EXT2: variants seen among roughly 807,000 people sequenced by gnomAD.
EXT2 encodes exostosin-2.
EXT2 carries 53 observed loss-of-function variants against 81.6 expected under a neutral mutation model. The ratio of observed to expected loss-of-function variants is 0.65; its 90% confidence interval spans 0.52 to 0.82. The LOEUF (loss-of-function observed/expected upper bound fraction) is 0.82, where lower values mean the gene tolerates loss of function less well. Among genes scored for constraint, EXT2 ranks in the 40% least tolerant of loss-of-function variants. The pLI is 0.00. For missense variants in EXT2, 774 were observed against 910.2 expected, an observed-to-expected ratio of 0.85 and a Z score of 1.93; for synonymous variants, 320 against 340.0, an observed-to-expected ratio of 0.94 and a Z score of 0.65.
chr11:44,244,300 G>A lies in EXT2; in HGVS notation c.*13G>A, dbSNP rs754477934. 1.3e-5 allele frequency: 21 copies of A among 1,613,852 alleles called. No individual in the cohort carries two copies. Among genetic ancestry groups the A allele is most frequent in the Admixed American group, 3.3e-5 (2 of 60,008 alleles). ...TGGCAGCTTATGAAACGTGTCATTG[G>A]TGGAGGTCTGAATGTGAGGCTGGGA... On this transcript the variant is annotated 3_prime_UTR_variant, in exon 14 of 14. Transcript: ENST00000533608.
chr11:44,119,120 CTATTTATATATATATATA>C (rs1448109874), intron 4 of EXT2, among the ~76,000 whole-genome samples: 1 of 28,802 alleles, frequency 3.5e-5, no homozygotes, highest in Non-Finnish European at 7.6e-5. Flanking sequence ...GGACATTTGG[CTATTTATATATATATATA>C]TATATATATA....
chr11:44,179,893 T>G (rs1478210674), intron 8 of EXT2, among the ~76,000 whole-genome samples: 1 of 152,204 alleles, frequency 6.6e-6, no homozygotes, highest in Non-Finnish European at 1.5e-5. Flanking sequence ...ATTGATTAAT[T>G]TTTTATGTGT....
At chr11:44,096,172 G>C (rs1185333557) in intron 1 of EXT2, 6 of 1,237,836 alleles carry the variant, frequency 4.8e-6, no homozygotes, top group East Asian at 2.5e-5. Flanking sequence ...CCTGCGACCC[G>C]CCCTCCGCCC....
chr11:44,249,242 C>T lies in EXT2; in HGVS notation c.*4955C>T, dbSNP rs1376219827. On this transcript the variant is annotated 3_prime_UTR_variant, in exon 14 of 14. Transcript: ENST00000533608. Reference sequence around the variant, plus strand: ...CTAACTCCTGGGATCAAGTGATCCTCCTGCCTCAGCGTCCCAAAGTGTTGG... The same window carrying T: ...CTAACTCCTGGGATCAAGTGATCCTTCTGCCTCAGCGTCCCAAAGTGTTGG... Among the ~76,000 whole-genome samples the T allele has an allele frequency of 6.6e-6, 1 of 152,190 alleles. No individual in the cohort carries two copies. The highest frequency in any genetic ancestry group is 1.5e-5 in the Non-Finnish European group (1 of 68,034).
intron 7 of EXT2, among the ~76,000 whole-genome samples, chr11:44,146,676 G>T (rs773202501): frequency 6.6e-6 from 1 of 152,130 alleles, no homozygotes; most frequent in Non-Finnish European, 1.5e-5. Context: ...ATCACCACAG[G>T]GTAAGTTAGA....
At chr11:44,229,901 A>G (rs1409062608) in intron 10 of EXT2, among the ~76,000 whole-genome samples, 5 of 152,222 alleles carry the variant, frequency 3.3e-5, no homozygotes, top group Admixed American at 3.3e-4. Flanking sequence ...CATACCAGGC[A>G]CTGTTCTTTG....
intron 7 of EXT2, among the ~76,000 whole-genome samples, chr11:44,164,922 A>G (rs1026261820): frequency 5.2e-5 from 7 of 134,278 alleles, no homozygotes; most frequent in Non-Finnish European, 9.2e-5. Context: ...TCTGTCGCCC[A>G]GGCTGGAGTG....
At position 44,232,357 on chromosome 11, in the gene EXT2, G is replaced by C; in HGVS notation, c.1667G>C (p.Trp556Ser). Residue 556 changes from tryptophan (W) to serine (S), a missense_variant, in exon 11 of 14, where the codon TGG (tryptophan) becomes TCG (serine). Physicochemically the swap from Trp to Ser is radical, Grantham distance 177. Around this residue, in one of 2 missense-constraint regions of EXT2, gnomAD observed 148 missense variants for 239.7 expected, o/e 0.62. Transcript: ENST00000533608. ...TTATTATGTGTCTGTCCTTAGGTCT[G>C]GCGGGAATTTCCTGACCGGTTGGTG... ...SDELQFGYEVWREFPDRLVGY... is the reference protein window; with the variant it reads ...SDELQFGYEVSREFPDRLVGY... The C allele has an allele frequency of 6.2e-7, 1 of 1,613,932 alleles. No homozygotes were observed. The highest frequency in any genetic ancestry group is 8.5e-7 in the Non-Finnish European group (1 of 1,179,920).
chr11:44,139,753 G>A (rs1411995634), intron 7 of EXT2, among the ~76,000 whole-genome samples: 1 of 152,178 alleles, frequency 6.6e-6, no homozygotes, highest in Non-Finnish European at 1.5e-5. Context: ...AGTGTGAGCG[G>A]CTGGTTTCCG....
intron 7 of EXT2, among the ~76,000 whole-genome samples, chr11:44,131,549 A>G (rs2135033217): frequency 6.6e-6 from 1 of 152,304 alleles, no homozygotes; most frequent in Middle Eastern, 3.4e-3. Context: ...CAGTTTATTT[A>G]TAGCATCCTC....
chr11:44,177,139 G>C (rs900265872), intron 8 of EXT2, among the ~76,000 whole-genome samples: 3 of 152,148 alleles, frequency 2.0e-5, no homozygotes, highest in African/African-American at 7.2e-5. Context: ...AAACTGGAGA[G>C]ATTGACCTTT....
chr11:44,244,776 A>C lies in EXT2; in HGVS notation c.*489A>C. ...CCAGAATTCGGTGCAAAAGCCAAAC[A>C]TCTTGGTGGGATTTGATAAATGCCT... On this transcript the variant is annotated 3_prime_UTR_variant, in exon 14 of 14. Coordinates refer to ENST00000533608, the MANE Select transcript of EXT2 (RefSeq NM_207122.2). 3.9e-6 allele frequency: 1 copy of C among 255,508 alleles called. No individual in the cohort carries two copies. The highest frequency in any genetic ancestry group is 4.8e-5 in the Admixed American group (1 of 20,768). 15.8% of individuals were successfully genotyped at this position (255,508 alleles called of 1,614,324 possible). A position where few individuals can be genotyped will look rare whatever the true frequency, so the allele number is the denominator to read the frequency against.
At chr11:44,215,212 A>G (rs767318882) in intron 10 of EXT2, among the ~76,000 whole-genome samples, 13 of 151,992 alleles carry the variant, frequency 8.6e-5, no homozygotes, top group Non-Finnish European at 1.9e-4. Context: ...ATTGATTTCA[A>G]TATTTGTTTT....
chr11:44,228,141 A>G (rs1306339886), intron 10 of EXT2, among the ~76,000 whole-genome samples: 1 of 152,194 alleles, frequency 6.6e-6, no homozygotes, highest in African/African-American at 2.4e-5. Flanking sequence ...TATAACAGAG[A>G]TAGGCTTCTG....
At chr11:44,125,461 T>C (rs1026098516) in intron 5 of EXT2, among the ~76,000 whole-genome samples, 4 of 152,154 alleles carry the variant, frequency 2.6e-5, no homozygotes, top group African/African-American at 9.7e-5. Context: ...TTGCCACCTT[T>C]AGCATCTCCT....
intron 10 of EXT2, among the ~76,000 whole-genome samples, chr11:44,230,096 G>A (rs1346757623): frequency 2.0e-5 from 3 of 152,228 alleles, no homozygotes; most frequent in Non-Finnish European, 2.9e-5. Context: ...GTTTGCTTCA[G>A]CAAGGAAGGT....
At chr11:44,115,334 C>T (rs1179590051) in intron 4 of EXT2, among the ~76,000 whole-genome samples, 6 of 152,214 alleles carry the variant, frequency 3.9e-5, no homozygotes, top group Non-Finnish European at 2.9e-5. Flanking sequence ...GAACTGTAGG[C>T]CCATGCCACT....
intron 10 of EXT2, among the ~76,000 whole-genome samples, chr11:44,222,063 G>C (rs538663312): frequency 6.6e-6 from 1 of 152,250 alleles, no homozygotes; most frequent in African/African-American, 2.4e-5. Flanking sequence ...ATGAAAATTG[G>C]TTCCTAGGGT....
chr11:44,156,607 T>C (rs192616366), intron 7 of EXT2, among the ~76,000 whole-genome samples: 1 of 152,348 alleles, frequency 6.6e-6, no homozygotes, highest in African/African-American at 2.4e-5. Flanking sequence ...TCTGTTAGAA[T>C]TCTGAATTCC....
Sources: gnomAD v4.1 joint callset for allele counts (sites outside exome capture counted in the v4.1 genomes callset) on GRCh38, gnomAD v4.1.1 for gene constraint, gnomAD v4.1.1 regional missense constraint, MANE v1.5 for transcripts, NCBI Gene and HGNC (gene_info 2026-07-23, HGNC 2026-07-21) for gene names.